EYS: variants seen among roughly 807,000 people sequenced by gnomAD.
EYS encodes the protein EGF-like photoreceptor maintenance factor, also known as protein eyes shut homolog.
Under a neutral mutation model 282.1 loss-of-function variants are expected in EYS, and 250 were observed. The observed-to-expected ratio is 0.89, with a 90% CI of 0.80 to 0.98. The LOEUF is 0.98. Among genes scored for constraint, EYS ranks in the 50% least tolerant of loss-of-function variants. The pLI, the probability that EYS is intolerant of heterozygous loss-of-function variation, is 0.00. For synonymous variants in EYS, 1,355 were observed against 1,282.9 expected (o/e 1.06, Z -1.20); for missense variants, 4,016 against 3,709.0 (o/e 1.08, Z -2.15).
intron 28 of EYS, among the ~76,000 whole-genome samples, chr6:64,414,418 C>G (rs1351546306): frequency 1.3e-5 from 2 of 151,930 alleles, no homozygotes; most frequent in Non-Finnish European, 2.9e-5. Context: ...TTCCAGGCAG[C>G]CTTGATTCAA....
At chr6:65,608,529 A>G (rs1765883300) in intron 2 of EYS, among the ~76,000 whole-genome samples, 1 of 152,000 alleles carries the variant, frequency 6.6e-6, no homozygotes, top group South Asian at 2.1e-4. Context: ...GCTACACTAC[A>G]TTTACTAAAA....
chr6:64,644,007 T>C (rs562350916), intron 22 of EYS, among the ~76,000 whole-genome samples: 1 of 152,368 alleles, frequency 6.6e-6, no homozygotes, highest in African/African-American at 2.4e-5. Flanking sequence ...ATATATTTCC[T>C]GTAATTTTGT....
intron 40 of EYS, among the ~76,000 whole-genome samples, chr6:63,769,988 C>T (rs1351382024): frequency 1.3e-5 from 2 of 151,914 alleles, no homozygotes; most frequent in East Asian, 1.9e-4. Context: ...TACTTCGTTA[C>T]CAAGGTGAGT....
chr6:64,429,446 C>G (rs1358563209), intron 28 of EYS, among the ~76,000 whole-genome samples: 1 of 152,132 alleles, frequency 6.6e-6, no homozygotes, highest in Non-Finnish European at 1.5e-5. Flanking sequence ...GGCTGGCCAA[C>G]ATGGTGAAAC....
At position 64,675,378 on chromosome 6, in the gene EYS, C is replaced by T. The variant is rs72508503; in HGVS notation, c.3444-49133G>A. 1.5e-4 allele frequency among the ~76,000 whole-genome samples: 22 copies of T among 151,490 alleles called. No individual in the cohort carries two copies. The East Asian group carries it at 4.3e-3, about 29-fold the overall frequency. On this transcript the variant is annotated intron_variant, in intron 22 of 42. Transcript: ENST00000503581. Reference sequence around the variant, plus strand: ...CTAAACTAAAGATTCTGGTCATATGCCTGTGATTGCAAACCTTTCTTTTCG... The same window carrying T: ...CTAAACTAAAGATTCTGGTCATATGTCTGTGATTGCAAACCTTTCTTTTCG...
intron 22 of EYS, among the ~76,000 whole-genome samples, chr6:64,776,143 G>A (rs1203709745): frequency 3.9e-5 from 6 of 152,082 alleles, no homozygotes; most frequent in Non-Finnish European, 8.8e-5. Flanking sequence ...GAGAGCATTT[G>A]AAAGCTCATA....
chr6:64,571,712 C>A (rs1348977688), intron 26 of EYS, among the ~76,000 whole-genome samples: 1 of 152,070 alleles, frequency 6.6e-6, no homozygotes, highest in Non-Finnish European at 1.5e-5. Context: ...ATACACCCTC[C>A]CAAGACTAAA....
intron 31 of EYS, among the ~76,000 whole-genome samples, chr6:64,097,141 G>A (rs1772651265): frequency 6.6e-6 from 1 of 152,166 alleles, no homozygotes; most frequent in South Asian, 2.1e-4. Flanking sequence ...ACCCAGCCGT[G>A]TGAGATGTCA....
intron 37 of EYS, among the ~76,000 whole-genome samples, chr6:63,805,870 C>T (rs1770893006): frequency 6.6e-6 from 1 of 152,134 alleles, no homozygotes; most frequent in Admixed American, 6.5e-5. Flanking sequence ...TGTAAATTTC[C>T]GGAGGCCTCC....
intron 28 of EYS, among the ~76,000 whole-genome samples, chr6:64,420,529 T>C (rs758524679): frequency 1.8e-4 from 27 of 152,144 alleles, no homozygotes; most frequent in African/African-American, 3.1e-4. Context: ...CAACACCATA[T>C]GGAAACTGCC....
intron 29 of EYS, among the ~76,000 whole-genome samples, chr6:64,339,996 A>G (rs187685861): frequency 1.4e-4 from 22 of 151,784 alleles, no homozygotes; most frequent in Admixed American, 1.1e-3. Flanking sequence ...AATCACCACT[A>G]AAGAACTTAC....
chr6:65,028,284 C>G (rs1772484335), intron 13 of EYS, among the ~76,000 whole-genome samples: 1 of 151,792 alleles, frequency 6.6e-6, no homozygotes, highest in Non-Finnish European at 1.5e-5. Context: ...TATTTTATCT[C>G]TATGTTCACT....
intron 1 of EYS, among the ~76,000 whole-genome samples, chr6:65,677,185 T>G (rs1768647347): frequency 6.7e-6 from 1 of 149,032 alleles, no homozygotes; most frequent in Non-Finnish European, 1.5e-5. Context: ...CTCTTATCAC[T>G]TCTATTCAAC....
At chr6:64,803,575 G>A (rs1391829042) in intron 22 of EYS, among the ~76,000 whole-genome samples, 1 of 152,320 alleles carries the variant, frequency 6.6e-6, no homozygotes, top group African/African-American at 2.4e-5. Context: ...CTGCCCAGGA[G>A]CCTGTCTGCC....
chr6:63,861,580 A>AT (rs1272342856), intron 36 of EYS, among the ~76,000 whole-genome samples: 6 of 152,210 alleles, frequency 3.9e-5, no homozygotes, highest in African/African-American at 7.2e-5. Context: ...CTAACATTAG[A>AT]TTTTTTCTTC....
At chr6:65,565,964 A>G (rs1769266614) in intron 2 of EYS, among the ~76,000 whole-genome samples, 1 of 151,932 alleles carries the variant, frequency 6.6e-6, no homozygotes, top group Non-Finnish European at 1.5e-5. Flanking sequence ...GGGGGGCTAG[A>G]GGAGTGATAG....
chr6:65,369,328 ATT>A (rs1253592179), intron 8 of EYS, among the ~76,000 whole-genome samples: 56 of 134,392 alleles, frequency 4.2e-4, no homozygotes, highest in South Asian at 1.2e-3. Context: ...ATATATATAT[ATT>A]TATATATATA....
chr6:65,491,301 A>ACACACC (rs1481130948), intron 4 of EYS: 1 of 259,442 alleles, frequency 3.9e-6, no homozygotes, highest in African/African-American at 2.3e-5. Context: ...ACACACACAC[A>ACACACC]CACACAGCCT....
intron 12 of EYS, among the ~76,000 whole-genome samples, chr6:65,192,734 A>ATTTTAGCTCTTGGATAGCT (rs1429983220): frequency 3.3e-5 from 5 of 151,736 alleles, no homozygotes; most frequent in African/African-American, 1.2e-4. Context: ...CTCAAGAGAG[A>ATTTTAGCTCTTGGATAGCT]CTGGGTTAGC....
Sources: allele counts gnomAD v4.1 joint callset (sites outside exome capture counted in the v4.1 genomes callset), GRCh38; gene constraint gnomAD v4.1.1; transcripts MANE v1.5; gene names NCBI Gene and HGNC (gene_info 2026-07-23, HGNC 2026-07-21).